Variants in UNC13C observed in about 807,000 individuals in gnomAD.
UNC13C encodes unc-13 homolog C.
In UNC13C, 174 loss-of-function variants were observed where a neutral mutation model predicts 245.4. The observed-to-expected ratio is 0.71, with a 90% CI of 0.63 to 0.80. UNC13C has a LOEUF of 0.80. Among genes scored for constraint, UNC13C ranks in the 30% least tolerant of loss-of-function variants. The pLI, the probability that UNC13C is intolerant of heterozygous loss-of-function variation, is 0.00. For synonymous variants in UNC13C, 992 were observed against 895.1 expected (o/e 1.11, Z -1.93); for missense variants, 2,829 against 2,602.9 (o/e 1.09, Z -1.89).
chr15:54,386,434 T>G (rs957565521), intron 17 of UNC13C, among the ~76,000 whole-genome samples: 1 of 152,094 alleles, frequency 6.6e-6, no homozygotes, highest in South Asian at 2.1e-4. Context: ...TCAGGTGTGA[T>G]GTGTTTGGAG....
rs200447948 is a variant in UNC13C, at chr15:54,114,616, A to ATT, written c.2984-28401_2984-28400insTT. Among the ~76,000 whole-genome samples, 763 of 152,164 alleles carry ATT rather than the reference A, an allele frequency of 5.0e-3. 10 individuals carry two copies. Among genetic ancestry groups the ATT allele is most frequent in the African/African-American group, 0.018 (734 of 41,506 alleles). ...TATCAATAGGCATTTATACCACATC[A>ATT]TATTTTTTTTTGCTACTGCAAATAA... On this transcript the variant is annotated intron_variant, in intron 2 of 32. Transcript: ENST00000260323.
chr15:53,865,830 T>C, the UNC13C span, among the ~76,000 whole-genome samples: 1 of 152,162 alleles, frequency 6.6e-6, no homozygotes, highest in Non-Finnish European at 1.5e-5. Flanking sequence ...AGAAGTTTTA[T>C]AAAAATTGGC....
the UNC13C span, among the ~76,000 whole-genome samples, chr15:53,964,665 A>C: frequency 6.6e-6 from 1 of 152,188 alleles, no homozygotes; most frequent in Non-Finnish European, 1.5e-5. Context: ...CTTAGTACCT[A>C]CCCGAGCCAG....
chr15:54,415,537 A>G (rs2040500871), intron 19 of UNC13C, among the ~76,000 whole-genome samples: 1 of 152,178 alleles, frequency 6.6e-6, no homozygotes, highest in African/African-American at 2.4e-5. Context: ...CAGTGTAGAA[A>G]AGAGAAATAC....
intron 17 of UNC13C, among the ~76,000 whole-genome samples, chr15:54,344,924 T>C (rs1047394400): frequency 2.0e-5 from 3 of 152,152 alleles, no homozygotes; most frequent in African/African-American, 7.2e-5. Flanking sequence ...CCCATCATCT[T>C]ATGTCTGTTC....
chr15:54,262,166 T>G (rs938042932), intron 8 of UNC13C, among the ~76,000 whole-genome samples: 1 of 152,214 alleles, frequency 6.6e-6, no homozygotes, highest in Non-Finnish European at 1.5e-5. Context: ...GAGCATTTAT[T>G]GTGTGCATGG....
chr15:54,462,069 A>G (rs1457525327), intron 19 of UNC13C, among the ~76,000 whole-genome samples: 1 of 152,166 alleles, frequency 6.6e-6, no homozygotes, highest in Non-Finnish European at 1.5e-5. Flanking sequence ...GTACTGGGAT[A>G]CAAGCACAAA....
At chr15:53,896,070 G>A in the UNC13C span, among the ~76,000 whole-genome samples, 1 of 134,784 alleles carries the variant, frequency 7.4e-6, no homozygotes, top group South Asian at 2.4e-4. Flanking sequence ...ATATGCTAAT[G>A]TCCATTAGTG....
intron 17 of UNC13C, among the ~76,000 whole-genome samples, chr15:54,353,145 A>G (rs1338655155): frequency 6.6e-6 from 1 of 152,182 alleles, no homozygotes; most frequent in African/African-American, 2.4e-5. Flanking sequence ...AATAAGAGAA[A>G]TTTCAGTGAA....
chr15:54,447,077 A>G (rs1190786325), intron 19 of UNC13C, among the ~76,000 whole-genome samples: 1 of 152,068 alleles, frequency 6.6e-6, no homozygotes, highest in African/African-American at 2.4e-5. Context: ...TGTTCTGTTT[A>G]TGTGCTGGAT....
intron 2 of UNC13C, among the ~76,000 whole-genome samples, chr15:54,095,328 G>A (rs1253175011): frequency 2.0e-5 from 3 of 152,194 alleles, no homozygotes; most frequent in Admixed American, 1.3e-4. Context: ...TCGGGTTGTA[G>A]TGGGGTAAGC....
chr15:54,472,013 G>A (rs1892488932), intron 19 of UNC13C, among the ~76,000 whole-genome samples: 1 of 151,760 alleles, frequency 6.6e-6, no homozygotes, highest in Non-Finnish European at 1.5e-5. Context: ...TTCGTTTGAT[G>A]ATTGTTTGCA....
At chr15:54,620,008 C>T (rs1900695040) in intron 30 of UNC13C, among the ~76,000 whole-genome samples, 1 of 140,604 alleles carries the variant, frequency 7.1e-6, no homozygotes, top group African/African-American at 2.5e-5. Context: ...GTTTCTAACC[C>T]ACAATTGTCA....
At chr15:54,107,852 C>G (rs1900525186) in intron 2 of UNC13C, among the ~76,000 whole-genome samples, 2 of 152,088 alleles carry the variant, frequency 1.3e-5, no homozygotes, top group Non-Finnish European at 2.9e-5. Context: ...TATGTAAGAA[C>G]TATAAAAACA....
chr15:54,391,627 G>A (rs1192858239), intron 17 of UNC13C, among the ~76,000 whole-genome samples: 2 of 151,576 alleles, frequency 1.3e-5, no homozygotes, highest in Non-Finnish European at 2.9e-5. Flanking sequence ...CATTTATTCT[G>A]GATATTTGAA....
At chr15:53,909,528 T>C in the UNC13C span, among the ~76,000 whole-genome samples, 57,397 of 144,678 alleles carry the variant, frequency 0.4, 15,124 homozygotes, top group South Asian at 0.49. Context: ...CTGAGGTGGG[T>C]GGATCACGAG....
At chr15:54,607,551 G>T (rs1899834730) in intron 30 of UNC13C, among the ~76,000 whole-genome samples, 1 of 152,078 alleles carries the variant, frequency 6.6e-6, no homozygotes, top group Admixed American at 6.6e-5. Flanking sequence ...TTTCAGACAA[G>T]GTATTAGTCC....
At chr15:53,872,710 T>C in the UNC13C span, among the ~76,000 whole-genome samples, 1 of 152,180 alleles carries the variant, frequency 6.6e-6, no homozygotes, top group Non-Finnish European at 1.5e-5. Flanking sequence ...GCCCCAAATC[T>C]TCAATGTTCT....
the UNC13C span, among the ~76,000 whole-genome samples, chr15:53,868,254 TG>T: frequency 1.3e-5 from 2 of 152,194 alleles, no homozygotes; most frequent in African/African-American, 2.4e-5. Context: ...TGGAGGACAT[TG>T]CAATGCACTT....
Sources: allele counts gnomAD v4.1 joint callset (sites outside exome capture counted in the v4.1 genomes callset), GRCh38; gene constraint gnomAD v4.1.1; transcripts MANE v1.5; gene names NCBI Gene and HGNC (gene_info 2026-07-23, HGNC 2026-07-21).